The following AKAP19 variants were observed in gnomAD, a reference collection of about 807,000 sequenced individuals.
AKAP19 encodes small A-kinase anchoring protein.
At chr2:190,051,489 T>C in the AKAP19 span, among the ~76,000 whole-genome samples, 3 of 152,204 alleles carry the variant, frequency 2.0e-5, no homozygotes, top group Non-Finnish European at 2.9e-5. Context: ...TCACTATTCA[T>C]AGTCCACACA....
At chr2:190,071,649 CAAT>C in the AKAP19 span, among the ~76,000 whole-genome samples, 19 of 151,992 alleles carry the variant, frequency 1.3e-4, no homozygotes, top group African/African-American at 1.9e-4. Flanking sequence ...GAAAATGTGT[CAAT>C]AATAATACCA....
chr2:190,085,574 A>T, the AKAP19 span, among the ~76,000 whole-genome samples: 4 of 152,342 alleles, frequency 2.6e-5, no homozygotes, highest in South Asian at 2.1e-4. Flanking sequence ...TGATTATAAG[A>T]TCACAACGTA....
At chr2:190,034,571 A>C in the AKAP19 span, among the ~76,000 whole-genome samples, 1 of 144,714 alleles carries the variant, frequency 6.9e-6, no homozygotes, top group Non-Finnish European at 1.5e-5. Flanking sequence ...TTGGCCAGGC[A>C]CAGTGACTCA....
At chr2:190,195,231 G>T in the AKAP19 span, among the ~76,000 whole-genome samples, 1 of 152,140 alleles carries the variant, frequency 6.6e-6, no homozygotes, top group East Asian at 1.9e-4. Context: ...CACCAAGAAG[G>T]ACATCTTGCT....
the AKAP19 span, among the ~76,000 whole-genome samples, chr2:190,140,627 G>A: frequency 6.6e-6 from 1 of 152,184 alleles, no homozygotes; most frequent in Non-Finnish European, 1.5e-5. Context: ...TGGGACACAG[G>A]GCACCAAGTC....
At chr2:189,905,377 A>T in the AKAP19 span, among the ~76,000 whole-genome samples, 1 of 152,006 alleles carries the variant, frequency 6.6e-6, no homozygotes, top group Non-Finnish European at 1.5e-5. Context: ...CAGCTGACTG[A>T]ATAAAGGATG....
chr2:190,149,746 A>G, the AKAP19 span, among the ~76,000 whole-genome samples: 10 of 152,272 alleles, frequency 6.6e-5, no homozygotes, highest in East Asian at 3.9e-4. Flanking sequence ...CATATGGTCT[A>G]TCTTGGAGAA....
the AKAP19 span, among the ~76,000 whole-genome samples, chr2:189,948,826 T>G: frequency 6.6e-6 from 1 of 152,166 alleles, no homozygotes; most frequent in African/African-American, 2.4e-5. Flanking sequence ...AAATCATTTT[T>G]TTTTCTTATT....
At chr2:189,969,279 G>C in the AKAP19 span, among the ~76,000 whole-genome samples, 9 of 152,096 alleles carry the variant, frequency 5.9e-5, no homozygotes, top group African/African-American at 1.9e-4. Flanking sequence ...TTCATCATGA[G>C]TTTATAGTGA....
At chr2:190,172,965 A>G in the AKAP19 span, among the ~76,000 whole-genome samples, 1 of 152,204 alleles carries the variant, frequency 6.6e-6, no homozygotes, top group Middle Eastern at 3.4e-3. Flanking sequence ...TTACAAAAAA[A>G]TTAGCTGGGT....
the AKAP19 span, among the ~76,000 whole-genome samples, chr2:189,972,751 A>G: frequency 6.6e-5 from 10 of 152,114 alleles, no homozygotes; most frequent in Admixed American, 3.3e-4. Context: ...GCAATTGTGA[A>G]TGGGAGTTCA....
the AKAP19 span, among the ~76,000 whole-genome samples, chr2:189,935,243 C>G: frequency 1.3e-5 from 2 of 151,760 alleles, no homozygotes; most frequent in African/African-American, 4.8e-5. Flanking sequence ...TTGTTTTGGA[C>G]TATTAATATG....
chr2:189,895,862 T>C, the AKAP19 span, among the ~76,000 whole-genome samples: 1 of 151,964 alleles, frequency 6.6e-6, no homozygotes, highest in Non-Finnish European at 1.5e-5. Flanking sequence ...CATAGTGCTA[T>C]TACCCAGTCA....
chr2:190,085,500 G>C, the AKAP19 span, among the ~76,000 whole-genome samples: 1 of 152,132 alleles, frequency 6.6e-6, no homozygotes, highest in Non-Finnish European at 1.5e-5. Flanking sequence ...CTAGTGAAGA[G>C]GGAATGAGGC....
chr2:190,056,987 T>C, the AKAP19 span: 2 of 376,968 alleles, frequency 5.3e-6, no homozygotes, highest in African/African-American at 2.0e-5. Context: ...TCCTCGCCGA[T>C]GTTGTAATAT....
the AKAP19 span, among the ~76,000 whole-genome samples, chr2:189,903,381 C>T: frequency 4.0e-5 from 6 of 151,892 alleles, no homozygotes; most frequent in African/African-American, 1.2e-4. Flanking sequence ...TAAAATACTG[C>T]ACAGTAATTT....
chr2:189,924,020 G>C, the AKAP19 span: 22 of 1,569,628 alleles, frequency 1.4e-5, no homozygotes, highest in Non-Finnish European at 1.8e-5. Context: ...CAGCAGCTCC[G>C]TGAAGAAAGA....
chr2:190,045,192 A>C, the AKAP19 span, among the ~76,000 whole-genome samples: 1 of 152,214 alleles, frequency 6.6e-6, no homozygotes, highest in African/African-American at 2.4e-5. Context: ...CCACCCAGTG[A>C]GGAGGAATGG....
the AKAP19 span, among the ~76,000 whole-genome samples, chr2:189,956,634 A>C: frequency 6.6e-6 from 1 of 152,168 alleles, no homozygotes; most frequent in Admixed American, 6.5e-5. Context: ...GCTGGAGTGC[A>C]GTGGCACAAT....
Sources: allele counts gnomAD v4.1 joint callset (sites outside exome capture counted in the v4.1 genomes callset), GRCh38; gene constraint gnomAD v4.1.1; transcripts MANE v1.5; gene names NCBI Gene and HGNC (gene_info 2026-07-23, HGNC 2026-07-21).